PARD3B: variants seen among roughly 807,000 people sequenced by gnomAD.
PARD3B encodes the protein partitioning defective 3 homolog B.
A neutral mutation model predicts 130.2 loss-of-function variants in PARD3B; 103 were observed. The observed-to-expected ratio is 0.79, with a 90% CI of 0.67 to 0.93. The LOEUF is 0.93. PARD3B is among the 40% of genes least tolerant of loss of function. The pLI, the probability that PARD3B is intolerant of heterozygous loss-of-function variation, is 0.00. For missense variants in PARD3B, 1,609 were observed against 1,499.2 expected (o/e 1.07, Z -1.21); for synonymous variants, 583 against 553.2 (o/e 1.05, Z -0.76).
Position 204,677,635 on chromosome 2 carries a change from C to T in PARD3B, c.121-8546C>T, listed in dbSNP as rs114026434. ...GGGACCACTTTGGCACAGAGTGAAA[C>T]GATTCCTTGTTCTGTTCTCACACAG... On this transcript the variant is annotated intron_variant, in intron 1 of 22. Coordinates refer to ENST00000406610, the MANE Select transcript of PARD3B (RefSeq NM_001302769.2). The surrounding 1 kb of genome is among the most constrained non-coding windows in gnomAD (Gnocchi z 4.1). Among the ~76,000 whole-genome samples the T allele has an allele frequency of 8.1e-4, 124 of 152,272 alleles. 1 individual carries two copies. The highest frequency in any genetic ancestry group is 2.7e-3 in the African/African-American group (112 of 41,554).
chr2:205,156,967 G>C (rs2034211372), intron 10 of PARD3B, among the ~76,000 whole-genome samples: 1 of 152,178 alleles, frequency 6.6e-6, no homozygotes. Flanking sequence ...AAAGAGGAAT[G>C]ATTTAATCAT....
In PARD3B at chr2:205,473,696, A is replaced by ATATGTG. The variant is rs1559127076; in HGVS notation, c.3045-26197_3045-26196insGTGTAT. On this transcript the variant is annotated intron_variant, in intron 20 of 22. Coordinates refer to ENST00000406610, the MANE Select transcript of PARD3B (RefSeq NM_001302769.2). The surrounding 1 kb of genome is among the most constrained non-coding windows in gnomAD (Gnocchi z 4.9). The stretch of plus-strand genomic sequence containing the variant: ...TGTGTGTGTGTATGTATATATATAT[A>ATATGTG]TATATATATATATACACACACACGT... Among the ~76,000 whole-genome samples the ATATGTG allele has an allele frequency of 8.0e-6, 1 of 124,648 alleles. No individual in the cohort carries two copies. Among genetic ancestry groups the ATATGTG allele is most frequent in the African/African-American group, 3.7e-5 (1 of 26,822 alleles). The allele number at this position is 124,648 out of a possible 152,430, so 81.8% of individuals were successfully genotyped here.
At chr2:205,138,292 C>T (rs1407589866) in intron 10 of PARD3B, among the ~76,000 whole-genome samples, 2 of 152,154 alleles carry the variant, frequency 1.3e-5, no homozygotes, top group Non-Finnish European at 2.9e-5. Flanking sequence ...CTCCTTTCCC[C>T]TACATTGCTG....
At chr2:205,214,418 A>G (rs923767767) in intron 15 of PARD3B, among the ~76,000 whole-genome samples, 10 of 151,954 alleles carry the variant, frequency 6.6e-5, no homozygotes, top group African/African-American at 2.4e-4. Flanking sequence ...GTGTAAGCTG[A>G]ATATTTAGAG....
chr2:205,457,856 T>G (rs2048326921), intron 20 of PARD3B, among the ~76,000 whole-genome samples: 1 of 152,138 alleles, frequency 6.6e-6, no homozygotes. Flanking sequence ...AATCTGAAAC[T>G]TTTTGAGCAC....
chr2:204,661,495 C>T (rs983755936), intron 1 of PARD3B, among the ~76,000 whole-genome samples: 2 of 152,118 alleles, frequency 1.3e-5, no homozygotes, highest in Non-Finnish European at 1.5e-5. Context: ...GAATGAGCCA[C>T]AATATTCAGG....
intron 2 of PARD3B, among the ~76,000 whole-genome samples, chr2:204,796,428 AC>A (rs147740384): frequency 0.049 from 7,511 of 152,314 alleles, 223 homozygotes; most frequent in Middle Eastern, 0.11. Context: ...CAATACATGG[AC>A]CAGAGAAAGA....
At chr2:204,662,615 A>G (rs2035861162) in intron 1 of PARD3B, among the ~76,000 whole-genome samples, 1 of 152,190 alleles carries the variant, frequency 6.6e-6, no homozygotes, top group South Asian at 2.1e-4. Context: ...AATATTAAAG[A>G]TACGTAAGTT....
chr2:205,465,323 G>C (rs1402284661), intron 20 of PARD3B, among the ~76,000 whole-genome samples: 2 of 152,054 alleles, frequency 1.3e-5, no homozygotes, highest in Admixed American at 1.3e-4. Flanking sequence ...GTATTCCCAA[G>C]GTACAAACGA....
Position 205,265,040 on chromosome 2 carries a change from C to A in PARD3B, c.2185+19218C>A, listed in dbSNP as rs867807586. Among the ~76,000 whole-genome samples the A allele has an allele frequency of 7.0e-6, 1 of 143,078 alleles. No homozygotes were observed. Among genetic ancestry groups the A allele is most frequent in the East Asian group, 2.1e-4 (1 of 4,832 alleles). 93.9% of individuals were successfully genotyped at this position (143,078 alleles called of 152,430 possible). Reference sequence around the variant, plus strand: ...AAATTACTTTAACTTTTGCTTCCCTCGGAACAACCAGGGAAAAATATCAAC... The same window carrying A: ...AAATTACTTTAACTTTTGCTTCCCTAGGAACAACCAGGGAAAAATATCAAC... On this transcript the variant is annotated intron_variant, in intron 16 of 22. Transcript: ENST00000406610. The surrounding 1 kb of genome is among the most constrained non-coding windows in gnomAD (Gnocchi z 4.3).
chr2:205,028,672 C>A (rs994298632), intron 3 of PARD3B, among the ~76,000 whole-genome samples: 3 of 152,112 alleles, frequency 2.0e-5, no homozygotes, highest in Admixed American at 6.6e-5. Flanking sequence ...CCCATAAGTC[C>A]TAGCCAGAGC....
chr2:205,592,686 G>T lies in PARD3B; in HGVS notation c.3261-22770G>T, dbSNP rs1341021855. Among the ~76,000 whole-genome samples the T allele has an allele frequency of 6.6e-6, 1 of 152,170 alleles. No homozygotes were observed. ...CATATAAATCTAAATCAATCATAAC[G>T]TATATTTCTGAGATGATTACTCAGT... is the stretch of plus-strand genomic sequence containing the variant. On this transcript the variant is annotated intron_variant, in intron 22 of 22. Transcript: ENST00000406610. The surrounding 1 kb of genome is among the most constrained non-coding windows in gnomAD (Gnocchi z 4.5).
At chr2:204,756,799 T>C (rs2125399908) in intron 2 of PARD3B, among the ~76,000 whole-genome samples, 1 of 152,304 alleles carries the variant, frequency 6.6e-6, no homozygotes, top group East Asian at 1.9e-4. Flanking sequence ...AGGGGGTTCC[T>C]GTGCAGGTTT....
rs1216530050 is a variant in PARD3B, at chr2:205,553,689, G to A, written c.3260+286G>A. 2.6e-5 allele frequency among the ~76,000 whole-genome samples: 4 copies of A among 152,246 alleles called. No individual in the cohort carries two copies. The South Asian group carries it at 6.2e-4, about 24-fold the overall frequency. The stretch of plus-strand genomic sequence containing the variant: ...AAGCCATTGCTATAAAACTGGTATC[G>A]AACATCCCGCACCAAGCTTAGAGAC... On this transcript the variant is annotated intron_variant, in intron 22 of 22. Transcript: ENST00000406610.
At position 205,158,687 on chromosome 2, in the gene PARD3B, TCTC is replaced by T; in HGVS notation, c.1435-34_1435-32del. The T allele has an allele frequency of 6.4e-7, 1 of 1,556,988 alleles. No homozygotes were observed. The highest frequency in any genetic ancestry group is 8.8e-7 in the Non-Finnish European group (1 of 1,139,262). ...AGAGTGAAATATTAATCTGCTTTCT[TCTC>T]TTCACTCTTTTCATGTGTATTCCCC... On this transcript the variant is annotated intron_variant, in intron 10 of 22. Transcript: ENST00000406610. This position sits in a 1 kb window ranked among gnomAD's most constrained non-coding sequence, Gnocchi z 5.4.
At chr2:204,879,847 C>T (rs2045973620) in intron 2 of PARD3B, among the ~76,000 whole-genome samples, 2 of 152,148 alleles carry the variant, frequency 1.3e-5, no homozygotes, top group African/African-American at 4.8e-5. Flanking sequence ...TTGCAAAGCC[C>T]GGATATCAGT....
intron 1 of PARD3B, among the ~76,000 whole-genome samples, chr2:204,589,300 C>T (rs2032974250): frequency 6.6e-6 from 1 of 152,082 alleles, no homozygotes; most frequent in African/African-American, 2.4e-5. Flanking sequence ...AAATGATTTG[C>T]AAGGAGACTG....
chr2:205,224,822 C>G (rs926575585), intron 15 of PARD3B, among the ~76,000 whole-genome samples: 4 of 151,166 alleles, frequency 2.6e-5, no homozygotes, highest in Non-Finnish European at 5.9e-5. Flanking sequence ...TTCCATGGGT[C>G]GAAAGAAAAA....
At chr2:204,686,916 A>G (rs1286842047) in intron 2 of PARD3B, among the ~76,000 whole-genome samples, 1 of 152,192 alleles carries the variant, frequency 6.6e-6, no homozygotes, top group African/African-American at 2.4e-5. Flanking sequence ...ATTGCAATAC[A>G]CACGATTATT....
Sources: gnomAD v4.1 joint callset for allele counts (sites outside exome capture counted in the v4.1 genomes callset) on GRCh38, gnomAD v4.1.1 for gene constraint, Gnocchi (gnomAD v3.1) non-coding constraint, MANE v1.5 for transcripts, NCBI Gene and HGNC (gene_info 2026-07-23, HGNC 2026-07-21) for gene names.